AGTPBP1: variants seen among roughly 807,000 people sequenced by gnomAD.
AGTPBP1 encodes ATP/GTP binding carboxypeptidase 1, also known as cytosolic carboxypeptidase 1.
AGTPBP1 carries 70 observed loss-of-function variants against 143.9 expected under a neutral mutation model. That is an observed-to-expected ratio of 0.49 (90% CI 0.40 to 0.59). AGTPBP1 has a LOEUF of 0.59. AGTPBP1 is among the 20% of genes least tolerant of loss of function. The pLI, the probability that AGTPBP1 is intolerant of heterozygous loss-of-function variation, is 0.00. For missense variants in AGTPBP1, 1,229 were observed against 1,464.5 expected (o/e 0.84, Z 2.62); for synonymous variants, 463 against 500.2 (o/e 0.93, Z 0.99).
At chr9:85,706,393 C>T (rs1836999250) in intron 2 of AGTPBP1, among the ~76,000 whole-genome samples, 1 of 151,794 alleles carries the variant, frequency 6.6e-6, no homozygotes, top group Admixed American at 6.6e-5. Context: ...CACCTGTAAT[C>T]CCAGCTACTC....
chr9:85,784,869 C>G, the AGTPBP1 span, among the ~76,000 whole-genome samples: 2 of 152,216 alleles, frequency 1.3e-5, no homozygotes, highest in Non-Finnish European at 2.9e-5. Flanking sequence ...AAACTGTTAA[C>G]TCTTATAGTT....
At chr9:85,673,644 G>C (rs1160646896) in intron 6 of AGTPBP1, among the ~76,000 whole-genome samples, 1 of 151,966 alleles carries the variant, frequency 6.6e-6, no homozygotes, top group South Asian at 2.1e-4. Flanking sequence ...GTAGACATTG[G>C]AGATACAAAA....
intron 8 of AGTPBP1, among the ~76,000 whole-genome samples, chr9:85,668,866 T>TTA (rs1344415182): frequency 6.6e-6 from 1 of 151,284 alleles, no homozygotes; most frequent in African/African-American, 2.4e-5. Flanking sequence ...ACCTCTAAAA[T>TTA]GGCTTAAGAA....
chr9:85,728,151 C>T (rs979121846), intron 1 of AGTPBP1, among the ~76,000 whole-genome samples: 4 of 151,158 alleles, frequency 2.6e-5, no homozygotes, highest in Non-Finnish European at 5.9e-5. Flanking sequence ...AAAACGTTTC[C>T]ATTGTTTCTT....
intron 2 of AGTPBP1, among the ~76,000 whole-genome samples, chr9:85,701,259 T>A (rs1456273734): frequency 6.6e-6 from 1 of 151,088 alleles, no homozygotes; most frequent in Non-Finnish European, 1.5e-5. Flanking sequence ...AGATGGAGTC[T>A]TGCTCTGTCA....
chr9:85,666,344 C>T (rs964886520), intron 8 of AGTPBP1, among the ~76,000 whole-genome samples: 1 of 152,138 alleles, frequency 6.6e-6, no homozygotes, highest in African/African-American at 2.4e-5. Flanking sequence ...CCAAATACAA[C>T]TCTTCCTCAA....
chr9:85,783,227 A>C, the AGTPBP1 span, among the ~76,000 whole-genome samples: 1 of 152,224 alleles, frequency 6.6e-6, no homozygotes. Context: ...TTACCCAAGG[A>C]GTCTAGTCTT....
chr9:85,664,358 T>C (rs1564120250), intron 8 of AGTPBP1, among the ~76,000 whole-genome samples: 1 of 152,176 alleles, frequency 6.6e-6, no homozygotes, highest in Non-Finnish European at 1.5e-5. Flanking sequence ...AAAATTCATA[T>C]AGCATTTTAC....
the AGTPBP1 span, among the ~76,000 whole-genome samples, chr9:85,776,832 G>A: frequency 6.6e-6 from 1 of 152,148 alleles, no homozygotes; most frequent in Non-Finnish European, 1.5e-5. Context: ...CAAAAATGTT[G>A]CTAATGGATC....
intron 2 of AGTPBP1, among the ~76,000 whole-genome samples, chr9:85,693,480 C>T (rs1042553977): frequency 1.9e-4 from 29 of 152,152 alleles, no homozygotes; most frequent in Admixed American, 3.9e-4. Context: ...TGCCTGCAAT[C>T]CCAGCTACTT....
the AGTPBP1 span, among the ~76,000 whole-genome samples, chr9:85,795,794 G>A: frequency 1.2e-4 from 17 of 144,984 alleles, no homozygotes; most frequent in South Asian, 4.3e-4. Flanking sequence ...ACATGATTTC[G>A]TTGTTTTTTA....
chr9:85,663,702 G>A (rs1041520507), intron 8 of AGTPBP1, among the ~76,000 whole-genome samples: 6 of 151,500 alleles, frequency 4.0e-5, no homozygotes, highest in Admixed American at 2.6e-4. Context: ...AGTATTCCAC[G>A]TGTTCTAGAG....
At chr9:85,711,596 C>A (rs1262734292) in intron 2 of AGTPBP1, among the ~76,000 whole-genome samples, 1 of 151,930 alleles carries the variant, frequency 6.6e-6, no homozygotes, top group East Asian at 1.9e-4. Context: ...CCTACCACCA[C>A]ACCTGGCTAA....
chr9:85,575,177 A>C (rs1232826967), intron 25 of AGTPBP1, 138 bp downstream of exon 25: 1 of 535,358 alleles, frequency 1.9e-6, no homozygotes, highest in African/African-American at 2.0e-5. Context: ...AATTGGAACA[A>C]ATATTTGATG....
At chr9:85,777,381 G>T in the AGTPBP1 span, among the ~76,000 whole-genome samples, 1 of 152,298 alleles carries the variant, frequency 6.6e-6, no homozygotes, top group Admixed American at 6.5e-5. Context: ...CCTGAGGAAT[G>T]GTGCCATATT....
intron 1 of AGTPBP1, among the ~76,000 whole-genome samples, chr9:85,724,431 G>C (rs1049299769): frequency 2.0e-5 from 3 of 152,050 alleles, no homozygotes; most frequent in African/African-American, 7.2e-5. Context: ...ACAAACCTGT[G>C]TCAAAACCAG....
In AGTPBP1 at chr9:85,632,984, G is replaced by C. The variant is rs1245188365; in HGVS notation, c.1693C>G (p.Leu565Val). 6.2e-7 allele frequency: 1 copy of C among 1,614,116 alleles called. No homozygotes were observed. Among genetic ancestry groups the C allele is most frequent in the Non-Finnish European group, 8.5e-7 (1 of 1,180,010 alleles). Residue 565 changes from leucine to valine, a missense_variant, in exon 14 of 26, where the codon CTT (leucine) becomes GTT (valine). Leu to Val is a conservative substitution (Grantham distance 32). Around this residue, in one of 2 missense-constraint regions of AGTPBP1, gnomAD observed 743 missense variants for 812.2 expected, o/e 0.91. Coordinates refer to ENST00000357081, the MANE Select transcript of AGTPBP1 (RefSeq NM_001330701.2). ...KKDCSLPLTV[L>V]TCAKACPHMA... Reference sequence around the variant, plus strand: ...TGTGGACATGCTTTAGCACAGGTAAGGACAGTAAGAGGAAGACTGCAGTCC... The same window carrying C: ...TGTGGACATGCTTTAGCACAGGTAACGACAGTAAGAGGAAGACTGCAGTCC...
At chr9:85,712,623 G>T in intron 1 of AGTPBP1, 57 bp from the exon 2 acceptor site, 1 of 820,052 alleles carries the variant, frequency 1.2e-6, no homozygotes, top group Non-Finnish European at 1.8e-6. Flanking sequence ...CTATATATTA[G>T]ATATCACAGA....
At chr9:85,786,734 C>T in the AGTPBP1 span, among the ~76,000 whole-genome samples, 12 of 151,948 alleles carry the variant, frequency 7.9e-5, no homozygotes, top group Non-Finnish European at 1.6e-4. Flanking sequence ...TAGATGTGTA[C>T]ATCTTCTATA....
Sources: allele counts gnomAD v4.1 joint callset (sites outside exome capture counted in the v4.1 genomes callset), GRCh38; gene constraint gnomAD v4.1.1; regional missense constraint gnomAD v4.1.1; transcripts MANE v1.5; gene names NCBI Gene and HGNC (gene_info 2026-07-23, HGNC 2026-07-21).